Variants in SMARCC1 observed in about 807,000 individuals in gnomAD.
SMARCC1 encodes SWI/SNF complex subunit SMARCC1.
In SMARCC1, 43 loss-of-function variants were observed where a neutral mutation model predicts 147.4. The ratio of observed to expected loss-of-function variants is 0.29; its 90% confidence interval spans 0.23 to 0.38. The LOEUF is 0.38. SMARCC1 is among the 10% of genes least tolerant of loss of function. SMARCC1 has a pLI of 1.00. For missense variants in SMARCC1, 1,119 were observed against 1,381.1 expected, an observed-to-expected ratio of 0.81 and a Z score of 3.01; for synonymous variants, 495 against 484.4, an observed-to-expected ratio of 1.02 and a Z score of -0.29.
At chr3:47,642,474 C>T (rs959939645) in intron 21 of SMARCC1, among the ~76,000 whole-genome samples, 20 of 152,174 alleles carry the variant, frequency 1.3e-4, no homozygotes, top group African/African-American at 4.3e-4. Flanking sequence ...CTAGTAATCC[C>T]AGCTACTCAG....
chr3:47,691,619 C>CA (rs1428333072), intron 12 of SMARCC1, among the ~76,000 whole-genome samples: 1 of 151,822 alleles, frequency 6.6e-6, no homozygotes, highest in East Asian at 1.9e-4. Context: ...TGTCTCAAAA[C>CA]AAAAAACAAA....
rs916008426 is a variant in SMARCC1, at chr3:47,781,723, G to A, written c.75C>T (p.Ala25=). ...TCCGTCGATAAACAGCTAGGCCTGC[G>A]GCTGCCGCCGCAATCCCCGAGCCCG... ...GATGSGIAAA[A]AGLAVYRRKD... is the part of the protein sequence containing the mutation. Residue 25 remains alanine, a synonymous_variant, in exon 1 of 28, where the codon GCC becomes GCT. Coordinates refer to ENST00000254480, the MANE Select transcript of SMARCC1 (RefSeq NM_003074.4). The A allele has an allele frequency of 1.3e-6, 2 of 1,553,198 alleles. No homozygotes were observed. Among genetic ancestry groups the A allele is most frequent in the Non-Finnish European group, 1.7e-6 (2 of 1,154,892 alleles).
chr3:47,590,302 C>T (rs1446750818), intron 27 of SMARCC1, among the ~76,000 whole-genome samples: 1 of 152,238 alleles, frequency 6.6e-6, no homozygotes, highest in Admixed American at 6.5e-5. Flanking sequence ...CTTTTGAACC[C>T]TGTATCCACA....
At chr3:47,592,204 T>A (rs1191043585) in intron 26 of SMARCC1, among the ~76,000 whole-genome samples, 1 of 152,202 alleles carries the variant, frequency 6.6e-6, no homozygotes, top group African/African-American at 2.4e-5. Flanking sequence ...CTTTAGAATG[T>A]TTAGCCAACT....
chr3:47,678,115 C>T, intron 16 of SMARCC1, 83 bp downstream of exon 16: 2 of 659,836 alleles, frequency 3.0e-6, no homozygotes, highest in African/African-American at 3.7e-5. Context: ...GTTGAAACAA[C>T]CAGTTTAATC....
intron 11 of SMARCC1, among the ~76,000 whole-genome samples, chr3:47,698,839 T>C (rs1218647852): frequency 6.6e-6 from 1 of 152,094 alleles, no homozygotes; most frequent in Non-Finnish European, 1.5e-5. Flanking sequence ...CCCTGTGGTA[T>C]TAAGTACAAT....
chr3:47,687,899 C>T (rs1462540581), intron 13 of SMARCC1, among the ~76,000 whole-genome samples: 2 of 152,170 alleles, frequency 1.3e-5, no homozygotes, highest in Non-Finnish European at 2.9e-5. Context: ...AAAATGCTGA[C>T]GTCATAGGTG....
chr3:47,685,806 G>A (rs979835718), intron 14 of SMARCC1, among the ~76,000 whole-genome samples: 23 of 152,052 alleles, frequency 1.5e-4, no homozygotes, highest in Non-Finnish European at 2.5e-4. Flanking sequence ...GCAGTGAGTC[G>A]AGATCATACC....
intron 18 of SMARCC1, 105 bp downstream of exon 18, chr3:47,675,370 T>C: frequency 3.5e-6 from 2 of 571,510 alleles, no homozygotes; most frequent in East Asian, 3.0e-5. Flanking sequence ...TAAATCATAA[T>C]TGTTTTTAAA....
chr3:47,720,713 C>T lies in SMARCC1; in HGVS notation c.669G>A (p.Met223Ile), dbSNP rs763896790. 2.5e-6 allele frequency: 4 copies of T among 1,612,620 alleles called. No homozygotes were observed. The highest frequency in any genetic ancestry group is 2.5e-6 in the Non-Finnish European group (3 of 1,178,802). Residue 223 changes from methionine to isoleucine, a missense_variant, in exon 7 of 28, where the codon ATG becomes ATA. Around this residue, in one of 6 missense-constraint regions of SMARCC1, gnomAD observed 542 missense variants for 611.8 expected, o/e 0.89. Transcript: ENST00000254480. ...QDDEEWLRPV[M>I]RKEKQVLVHW... ...GCACTAACACTTGCTTCTCTTTTCT[C>T]ATCACCGGTCTCAACCATTCTTCTG...
chr3:47,691,045 C>T (rs1461083034), intron 12 of SMARCC1, among the ~76,000 whole-genome samples: 1 of 152,146 alleles, frequency 6.6e-6, no homozygotes, highest in Non-Finnish European at 1.5e-5. Flanking sequence ...ACTCAAATTA[C>T]ACATTTTTAG....
At chr3:47,727,402 G>A (rs930266530) in intron 6 of SMARCC1, among the ~76,000 whole-genome samples, 1 of 151,660 alleles carries the variant, frequency 6.6e-6, no homozygotes, top group South Asian at 2.1e-4. Flanking sequence ...AGCTACTTAG[G>A]AGGCTGAGGC....
At chr3:47,674,939 T>C (rs2033551040) in intron 18 of SMARCC1, among the ~76,000 whole-genome samples, 1 of 152,174 alleles carries the variant, frequency 6.6e-6, no homozygotes, top group African/African-American at 2.4e-5. Context: ...CTTGCTATGT[T>C]GTCCAGGCTG....
intron 13 of SMARCC1, among the ~76,000 whole-genome samples, chr3:47,688,369 G>A (rs986160881): frequency 2.0e-5 from 3 of 150,206 alleles, no homozygotes; most frequent in Non-Finnish European, 4.4e-5. Context: ...AGAGTTTCTT[G>A]AAATACTTTT....
intron 14 of SMARCC1, among the ~76,000 whole-genome samples, chr3:47,683,626 G>C (rs984135654): frequency 4.6e-5 from 7 of 151,698 alleles, no homozygotes; most frequent in Non-Finnish European, 1.0e-4. Context: ...GCCAAGGTGG[G>C]TGGATCACCT....
intron 26 of SMARCC1, among the ~76,000 whole-genome samples, chr3:47,601,220 C>G (rs538397733): frequency 1.3e-5 from 2 of 151,600 alleles, no homozygotes; most frequent in Non-Finnish European, 2.9e-5. Flanking sequence ...ATCCCTCATT[C>G]TCTCTCAGGT....
At chr3:47,685,452 G>A (rs1185158969) in intron 14 of SMARCC1, among the ~76,000 whole-genome samples, 2 of 151,324 alleles carry the variant, frequency 1.3e-5, no homozygotes, top group African/African-American at 4.9e-5. Flanking sequence ...GTATTTGCTT[G>A]TTTGAATTAT....
chr3:47,698,130 C>T (rs2033876228), intron 11 of SMARCC1, among the ~76,000 whole-genome samples: 1 of 144,180 alleles, frequency 6.9e-6, no homozygotes, highest in Admixed American at 7.0e-5. Flanking sequence ...AATACAATGT[C>T]ATCAAATGAG....
chr3:47,701,860 T>C (rs1259066273), intron 10 of SMARCC1, among the ~76,000 whole-genome samples: 1 of 151,704 alleles, frequency 6.6e-6, no homozygotes, highest in African/African-American at 2.4e-5. Flanking sequence ...AAGAAAAAAT[T>C]AGATAACTTC....
Sources: gnomAD v4.1 joint callset for allele counts (sites outside exome capture counted in the v4.1 genomes callset) on GRCh38, gnomAD v4.1.1 for gene constraint, gnomAD v4.1.1 regional missense constraint, MANE v1.5 for transcripts, NCBI Gene and HGNC (gene_info 2026-07-23, HGNC 2026-07-21) for gene names.